LRMDA: variants seen among roughly 807,000 people sequenced by gnomAD.
LRMDA encodes leucine-rich melanocyte differentiation-associated protein.
LRMDA carries 18 observed loss-of-function variants against 29.8 expected under a neutral mutation model. That is an observed-to-expected ratio of 0.60 (90% CI 0.42 to 0.90). The LOEUF (loss-of-function observed/expected upper bound fraction) is 0.90, where lower values mean the gene tolerates loss of function less well. Ranked by LOEUF, LRMDA falls within the 40% of genes least tolerant of loss-of-function variation. The pLI is 0.00. For synonymous variants in LRMDA, 125 were observed against 109.4 expected (o/e 1.14, Z -0.89); for missense variants, 273 against 273.9 (o/e 1.00, Z 0.02).
At chr10:75,536,413 CCTAA>C (rs1195568496) in intron 2 of LRMDA, among the ~76,000 whole-genome samples, 5 of 152,118 alleles carry the variant, frequency 3.3e-5, no homozygotes, top group African/African-American at 1.2e-4. Flanking sequence ...TCTTGAAAAT[CCTAA>C]CTATGTATAT....
intron 6 of LRMDA, among the ~76,000 whole-genome samples, chr10:76,534,016 G>T (rs137978719): frequency 6.6e-6 from 1 of 152,126 alleles, no homozygotes; most frequent in Non-Finnish European, 1.5e-5. Flanking sequence ...CTATGAATAC[G>T]TACTGTGTTA....
chr10:75,520,013 G>T (rs998018500), intron 2 of LRMDA, among the ~76,000 whole-genome samples: 3 of 152,168 alleles, frequency 2.0e-5, no homozygotes, highest in Non-Finnish European at 1.5e-5. Flanking sequence ...GGCCCCCACT[G>T]TCTTCTGGCT....
chr10:75,641,043 G>A (rs895241102), intron 2 of LRMDA, among the ~76,000 whole-genome samples: 2 of 152,198 alleles, frequency 1.3e-5, no homozygotes, highest in African/African-American at 4.8e-5. Flanking sequence ...AGGAAGTAGA[G>A]GTGGAAAAAC....
At chr10:76,122,410 G>A (rs910116552) in intron 5 of LRMDA, among the ~76,000 whole-genome samples, 5 of 152,070 alleles carry the variant, frequency 3.3e-5, no homozygotes, top group Non-Finnish European at 7.4e-5. Context: ...CTTTGGAACT[G>A]GGCAATCTAG....
intron 5 of LRMDA, among the ~76,000 whole-genome samples, chr10:76,281,348 C>G (rs576224362): frequency 1.3e-5 from 2 of 152,132 alleles, no homozygotes; most frequent in Non-Finnish European, 2.9e-5. Flanking sequence ...TTGGCAGTGA[C>G]AGGTTGAGAA....
At chr10:76,475,905 T>C (rs1297725280) in intron 6 of LRMDA, among the ~76,000 whole-genome samples, 4 of 151,728 alleles carry the variant, frequency 2.6e-5, no homozygotes, top group South Asian at 2.1e-4. Flanking sequence ...AAGCAGTGTG[T>C]AGAGGGAAAT....
intron 2 of LRMDA, among the ~76,000 whole-genome samples, chr10:75,855,512 G>T (rs1844809966): frequency 6.6e-6 from 1 of 152,122 alleles, no homozygotes; most frequent in Admixed American, 6.6e-5. Flanking sequence ...CATTCTGTAG[G>T]CTGCCTGTTC....
chr10:75,559,392 T>C (rs1840260431), intron 2 of LRMDA, among the ~76,000 whole-genome samples: 2 of 151,844 alleles, frequency 1.3e-5, no homozygotes, highest in African/African-American at 4.9e-5. Flanking sequence ...TGTTTTTTTC[T>C]TGCAAATTTG....
At chr10:75,783,298 A>G (rs768776998) in intron 2 of LRMDA, among the ~76,000 whole-genome samples, 4 of 152,190 alleles carry the variant, frequency 2.6e-5, no homozygotes, top group Non-Finnish European at 5.9e-5. Context: ...GCTTTTAGGC[A>G]TGCATTGTTC....
chr10:76,140,343 G>A (rs1313883337), intron 5 of LRMDA, among the ~76,000 whole-genome samples: 2 of 152,106 alleles, frequency 1.3e-5, no homozygotes, highest in Non-Finnish European at 2.9e-5. Context: ...GAAATCTGCA[G>A]AACAAAATCT....
intron 2 of LRMDA, among the ~76,000 whole-genome samples, chr10:75,675,716 TTTTG>T (rs1382140981): frequency 1.3e-5 from 2 of 152,062 alleles, no homozygotes; most frequent in African/African-American, 2.4e-5. Flanking sequence ...ACTTTTTTTT[TTTTG>T]TTTGTTTGAA....
chr10:75,433,958 T>G (rs1844235939), intron 1 of LRMDA, among the ~76,000 whole-genome samples: 1 of 152,148 alleles, frequency 6.6e-6, no homozygotes, highest in East Asian at 1.9e-4. Context: ...TTTTAGGAGC[T>G]CCACAGGCCT....
chr10:76,075,290 A>C (rs866211066), intron 5 of LRMDA, among the ~76,000 whole-genome samples: 1 of 152,218 alleles, frequency 6.6e-6, no homozygotes. Context: ...TGTTTCCCTT[A>C]TAAGAAGAGG....
intron 6 of LRMDA, among the ~76,000 whole-genome samples, chr10:76,522,772 A>C (rs1478828360): frequency 6.6e-6 from 1 of 152,090 alleles, no homozygotes; most frequent in Non-Finnish European, 1.5e-5. Context: ...TATGCTGCTG[A>C]TTTCTGGTGC....
chr10:75,464,168 G>T (rs182628912), intron 2 of LRMDA, among the ~76,000 whole-genome samples: 2 of 152,312 alleles, frequency 1.3e-5, no homozygotes, highest in Non-Finnish European at 2.9e-5. Context: ...TTCAGAGCAG[G>T]CTGGGATCCA....
intron 2 of LRMDA, among the ~76,000 whole-genome samples, chr10:75,467,956 TCACACACACACACACACACA>T (rs61295526): frequency 2.3e-5 from 3 of 130,054 alleles, no homozygotes; most frequent in East Asian, 2.3e-4. Flanking sequence ...TGAGACTCCG[TCACACACACACACACACACA>T]CACACACACA....
At chr10:76,443,818 T>C (rs1227270865) in intron 6 of LRMDA, among the ~76,000 whole-genome samples, 1 of 152,224 alleles carries the variant, frequency 6.6e-6, no homozygotes, top group Non-Finnish European at 1.5e-5. Flanking sequence ...AATAAACAAG[T>C]AATTGGTTCT....
intron 5 of LRMDA, among the ~76,000 whole-genome samples, chr10:76,178,079 C>T (rs1850973990): frequency 6.6e-6 from 1 of 152,216 alleles, no homozygotes; most frequent in African/African-American, 2.4e-5. Flanking sequence ...CTTCTGTGAG[C>T]AATTGTAATT....
chr10:76,480,972 A>G (rs547913459), intron 6 of LRMDA, among the ~76,000 whole-genome samples: 43 of 152,066 alleles, frequency 2.8e-4, no homozygotes, highest in African/African-American at 9.4e-4. Flanking sequence ...AAATTGAGGC[A>G]TTTAGGGAGG....
Sources: gnomAD v4.1 joint callset for allele counts (sites outside exome capture counted in the v4.1 genomes callset) on GRCh38, gnomAD v4.1.1 for gene constraint, MANE v1.5 for transcripts, NCBI Gene and HGNC (gene_info 2026-07-23, HGNC 2026-07-21) for gene names.